Variants in ITGAD observed in about 807,000 individuals in gnomAD.
ITGAD encodes integrin alpha-D.
A neutral mutation model predicts 139.0 loss-of-function variants in ITGAD; 105 were observed. The ratio of observed to expected loss-of-function variants is 0.76; its 90% CI spans 0.65 to 0.89. The LOEUF is 0.89. Ranked by LOEUF, ITGAD falls within the 40% of genes least tolerant of loss-of-function variation. The pLI is 0.00. For missense variants in ITGAD, 1,384 were observed against 1,487.3 expected (o/e 0.93, Z 1.14); for synonymous variants, 569 against 598.3 (o/e 0.95, Z 0.71).
intron 18 of ITGAD, among the ~76,000 whole-genome samples, chr16:31,415,344 C>T (rs2081857612): frequency 6.6e-6 from 1 of 152,214 alleles, no homozygotes; most frequent in Non-Finnish European, 1.5e-5. Context: ...AGGCTCTTCA[C>T]TCCCCTGCGT....
At position 31,413,092 on chromosome 16, in the gene ITGAD, T is replaced by A; in HGVS notation, c.1842T>A (p.Ser614Arg). Residue 614 changes from serine (S) to arginine (R), a missense_variant, in exon 16 of 30, where the codon AGT becomes AGA. Ser to Arg is a moderately radical substitution (Grantham distance 110). Transcript: ENST00000389202. ...TCCCCACTACTCTGCCCCTCAGGAGTCTGCCGGTGCTGAAAGTGGGGGTGG... is the reference window on the plus strand; with the variant it reads ...TCCCCACTACTCTGCCCCTCAGGAGACTGCCGGTGCTGAAAGTGGGGGTGG... The part of the protein sequence containing the change: ...GARGQVLLLR[S>R]LPVLKVGVAM... 1 of 1,613,712 alleles carries A rather than the reference T, an allele frequency of 6.2e-7. No homozygotes were observed. The highest frequency in any genetic ancestry group is 8.5e-7 in the Non-Finnish European group (1 of 1,179,926).
At chr16:31,423,059 G>C (rs974905182) in intron 23 of ITGAD, 55 bp from the exon 24 acceptor site, 2 of 1,362,354 alleles carry the variant, frequency 1.5e-6, no homozygotes, top group East Asian at 2.3e-5. Flanking sequence ...AGTAGGACAG[G>C]GCACAACTGG....
rs1432650616 is a variant in ITGAD, at chr16:31,424,092, C to G, written c.3160-10C>G. 1 of 1,614,102 alleles carries G rather than the reference C, an allele frequency of 6.2e-7. No homozygotes were observed. The highest frequency in any genetic ancestry group is 8.5e-7 in the Non-Finnish European group (1 of 1,180,038). ...GCCAGTTCCACAGGTTTCCCCCAACCCCTTTGCAGACATTGCAGAAGAAGG... is the reference window on the plus strand; with the variant it reads ...GCCAGTTCCACAGGTTTCCCCCAACGCCTTTGCAGACATTGCAGAAGAAGG... On this transcript the variant is annotated splice_polypyrimidine_tract_variant and intron_variant, in intron 27 of 29. Coordinates refer to ENST00000389202, the MANE Select transcript of ITGAD (RefSeq NM_005353.3).
intron 1 of ITGAD, 120 bp downstream of exon 1, chr16:31,393,511 G>A: frequency 2.8e-6 from 3 of 1,066,602 alleles, no homozygotes; most frequent in Admixed American, 1.8e-5. Context: ...CTGAGGCAGG[G>A]GAGTGCTTCA....
intron 2 of ITGAD, among the ~76,000 whole-genome samples, chr16:31,396,984 G>T (rs1288038486): frequency 6.6e-6 from 1 of 151,286 alleles, no homozygotes; most frequent in Non-Finnish European, 1.5e-5. Flanking sequence ...TATTTCTTGG[G>T]TGGTTCAAAA....
At chr16:31,424,402 G>A (rs2082070346) in intron 28 of ITGAD, 65 bp from the exon 29 acceptor site, 6 of 1,396,912 alleles carry the variant, frequency 4.3e-6, no homozygotes, top group Non-Finnish European at 6.1e-6. Context: ...GAGAGTTAAA[G>A]GTTGCGGAAC....
intron 20 of ITGAD, among the ~76,000 whole-genome samples, chr16:31,417,707 G>T (rs973059678): frequency 6.6e-6 from 1 of 152,152 alleles, no homozygotes; most frequent in African/African-American, 2.4e-5. Context: ...CACTTTGGGA[G>T]GCCAAGGCGG....
chr16:31,423,909 A>C lies in ITGAD; in HGVS notation c.3110A>C (p.Glu1037Ala). The change falls in exon 27 of 30, where the codon GAG becomes GCG. Residue 1037 changes from glutamate to alanine, a missense_variant. Coordinates refer to ENST00000389202, the MANE Select transcript of ITGAD (RefSeq NM_005353.3). ...GTCCCCTCCTTCAGCGTCCAGGAGG[A>C]GCTGGATTTCACCCTGAAGGGCAAT... Reference protein sequence around the residue: ...CDVPSFSVQEELDFTLKGNLS... With the variant: ...CDVPSFSVQEALDFTLKGNLS... 6.2e-7 allele frequency: 1 copy of C among 1,614,022 alleles called. No individual in the cohort carries two copies. The highest frequency in any genetic ancestry group is 8.5e-7 in the Non-Finnish European group (1 of 1,180,022).
In ITGAD at chr16:31,426,367, T is replaced by C; in HGVS notation, c.*239T>C. 2 of 457,190 alleles carry C rather than the reference T, an allele frequency of 4.4e-6. No homozygotes were observed. The highest frequency in any genetic ancestry group is 5.1e-5 in the South Asian group (2 of 39,006). 28.3% of individuals were successfully genotyped at this position (457,190 alleles called of 1,614,324 possible). A position where few individuals can be genotyped will look rare whatever the true frequency, so the allele number is the denominator to read the frequency against. On this transcript the variant is annotated 3_prime_UTR_variant, in exon 30 of 30. Transcript: ENST00000389202. ...GTGCCAGCATAAATTTTCATATGCT[T>C]AAGAATTGTCACATGAAATGAGGAT...
chr16:31,403,913 C>G lies in ITGAD; in HGVS notation c.704+268C>G. On this transcript the variant is annotated intron_variant, in intron 7 of 29. Transcript: ENST00000389202. This position sits in a 1 kb window ranked among gnomAD's most constrained non-coding sequence, Gnocchi z 4.4. ...TGGACCCCAGGACCCCTCCCCACCC[C>G]ACAGCAGCCAGAGGCCCGGGCTTTG... 2.1e-6 allele frequency: 1 copy of G among 466,854 alleles called. No homozygotes were observed. Among genetic ancestry groups the G allele is most frequent in the African/African-American group, 2.0e-5 (1 of 51,196 alleles). 28.9% of individuals were successfully genotyped at this position (466,854 alleles called of 1,614,324 possible).
In ITGAD at chr16:31,411,437, C is replaced by A; in HGVS notation, c.1627C>A (p.Pro543Thr). 6.2e-7 allele frequency: 1 copy of A among 1,614,080 alleles called. No homozygotes were observed. Among genetic ancestry groups the A allele is most frequent in the Non-Finnish European group, 8.5e-7 (1 of 1,179,970 alleles). The change falls in exon 14 of 30, where the codon CCG becomes ACG. Residue 543 changes from proline (P) to threonine (T), a missense_variant. Physicochemically the swap from Pro to Thr is conservative, Grantham distance 38. Transcript: ENST00000389202. ...DKLIDVAIGA[P>T]GEQENRGAVY... is the part of the protein sequence containing the mutation. ...GCTGATAGACGTGGCCATTGGGGCCCCGGGAGAGCAGGAGAACCGGGGTGC... is the reference window on the plus strand; with the variant it reads ...GCTGATAGACGTGGCCATTGGGGCCACGGGAGAGCAGGAGAACCGGGGTGC...
chr16:31,426,221 G>T lies in ITGAD; in HGVS notation c.*93G>T, dbSNP rs934317760. ...ATGGAAACAACTTCTGCATAGATCT[G>T]CACTGGCCTAAGCAACCTACCAGGT... On this transcript the variant is annotated 3_prime_UTR_variant, in exon 30 of 30. Coordinates refer to ENST00000389202, the MANE Select transcript of ITGAD (RefSeq NM_005353.3). 2 of 830,484 alleles carry T rather than the reference G, an allele frequency of 2.4e-6. No homozygotes were observed. The highest frequency in any genetic ancestry group is 4.1e-6 in the Non-Finnish European group (2 of 492,896). The allele number at this position is 830,484 out of a possible 1,614,324, so 51.4% of individuals were successfully genotyped here.
Position 31,411,368 on chromosome 16 carries a change from T to C in ITGAD, c.1558T>C (p.Phe520Leu), listed in dbSNP as rs1346344256. Residue 520 changes from phenylalanine to leucine, a missense_variant, in exon 14 of 30, where the codon TTT (phenylalanine) becomes CTT (leucine). Transcript: ENST00000389202. ...RGEQGHPWGR[F>L]GAALTVLGDV... ...TGAGCAGGGCCACCCCTGGGGCCGC[T>C]TTGGGGCAGCCCTGACAGTGTTGGG... 3.1e-6 allele frequency: 5 copies of C among 1,614,000 alleles called. No individual in the cohort carries two copies. The South Asian group carries it at 4.4e-5, about 14-fold the overall frequency.
intron 15 of ITGAD, 59 bp downstream of exon 15, chr16:31,413,027 C>T: frequency 1.2e-6 from 2 of 1,605,508 alleles, no homozygotes; most frequent in South Asian, 2.2e-5. Flanking sequence ...GGTGCTGCCT[C>T]CCCAGCCACG....
chr16:31,410,595 A>C, intron 11 of ITGAD, 71 bp downstream of exon 11: 2 of 305,922 alleles, frequency 6.5e-6, no homozygotes, highest in Non-Finnish European at 9.7e-6. Context: ...GGTTCTGGGG[A>C]GGGGGGATGG....
chr16:31,426,096 A>C lies in ITGAD; in HGVS notation c.3454A>C (p.Ser1152Arg). 1.2e-6 allele frequency: 2 copies of C among 1,613,318 alleles called. No individual in the cohort carries two copies. Among genetic ancestry groups the C allele is most frequent in the Non-Finnish European group, 1.7e-6 (2 of 1,179,252 alleles). Residue 1152 changes from serine (S) to arginine (R), a missense_variant, in exon 30 of 30, where the codon AGC (serine) becomes CGC (arginine). By Grantham distance (110) the Ser-to-Arg change is moderately radical. Coordinates refer to ENST00000389202, the MANE Select transcript of ITGAD (RefSeq NM_005353.3). The part of the protein sequence containing the change: ...DTATFSGDDF[S>R]CVAPNVPLS ...TGCCACATTCAGTGGGGACGATTTC[A>C]GCTGTGTGGCCCCAAATGTGCCTTT...
Position 31,410,860 on chromosome 16 carries a change from C to A in ITGAD, c.1338C>A (p.Ala446=). ...TQVSRQWRKK[A]EVTGTQIGSY... ...TGTCCAGGCAATGGAGGAAGAAGGC[C>A]GAAGTCACAGGGACGCAGGTTGGGC... Residue 446 remains alanine, a synonymous_variant, in exon 12 of 30, where the codon GCC becomes GCA. Transcript: ENST00000389202. The A allele has an allele frequency of 6.2e-7, 1 of 1,611,102 alleles. No individual in the cohort carries two copies. Among genetic ancestry groups the A allele is most frequent in the Non-Finnish European group, 8.5e-7 (1 of 1,179,552 alleles).
chr16:31,401,025 G>A (rs1284715991), intron 5 of ITGAD, among the ~76,000 whole-genome samples: 2 of 152,128 alleles, frequency 1.3e-5, no homozygotes, highest in African/African-American at 4.8e-5. Context: ...TTGGGAGGCC[G>A]AGGTGAGTGG....
intron 6 of ITGAD, 45 bp downstream of exon 6, chr16:31,402,290 G>C (rs2081427812): frequency 7.0e-7 from 1 of 1,433,172 alleles, no homozygotes; most frequent in Non-Finnish European, 9.6e-7. Context: ...GACGGGGGAG[G>C]CTGGCCTCGG....
Sources: gnomAD v4.1 joint callset for allele counts (sites outside exome capture counted in the v4.1 genomes callset) on GRCh38, gnomAD v4.1.1 for gene constraint, Gnocchi (gnomAD v3.1) non-coding constraint, MANE v1.5 for transcripts, NCBI Gene and HGNC (gene_info 2026-07-23, HGNC 2026-07-21) for gene names.